Variants in SENP6 observed in about 807,000 individuals in gnomAD.
The protein encoded by SENP6 is sentrin-specific protease 6.
SENP6 carries 41 observed loss-of-function variants against 134.5 expected under a neutral mutation model. The observed-to-expected ratio is 0.30, with a 90% CI of 0.24 to 0.40. SENP6 has a LOEUF of 0.40. Ranked by LOEUF, SENP6 falls within the 10% of genes least tolerant of loss-of-function variation. The probability of loss-of-function intolerance (pLI) is 1.00; values close to 1 mark genes in which losing one functional copy is unlikely to be tolerated. For missense variants in SENP6, 1,248 were observed against 1,312.5 expected, an observed-to-expected ratio of 0.95 and a Z score of 0.76; for synonymous variants, 395 against 429.8, an observed-to-expected ratio of 0.92 and a Z score of 1.00.
intron 9 of SENP6, among the ~76,000 whole-genome samples, chr6:75,665,933 A>C (rs934123442): frequency 6.6e-6 from 1 of 151,726 alleles, no homozygotes; most frequent in Admixed American, 6.6e-5. Flanking sequence ...AGGCTGAGGC[A>C]GGAGAATCAC....
chr6:75,643,527 A>G (rs1469932325), intron 6 of SENP6, among the ~76,000 whole-genome samples: 1 of 152,186 alleles, frequency 6.6e-6, no homozygotes, highest in Non-Finnish European at 1.5e-5. Context: ...TTAAAATTCA[A>G]GAAATTCAAC....
intron 3 of SENP6, among the ~76,000 whole-genome samples, chr6:75,633,197 A>T (rs1769241176): frequency 6.6e-6 from 1 of 152,190 alleles, no homozygotes; most frequent in Non-Finnish European, 1.5e-5. Context: ...ACATAAGCAC[A>T]AGTTGAAATG....
chr6:75,614,225 G>C (rs531396023), intron 1 of SENP6, among the ~76,000 whole-genome samples: 129 of 151,248 alleles, frequency 8.5e-4, no homozygotes, highest in Non-Finnish European at 1.4e-3. Flanking sequence ...TAGTTAAGGT[G>C]GTGTTCACCA....
intron 16 of SENP6, chr6:75,679,681 A>T (rs1246066806): frequency 6.6e-6 from 1 of 152,210 alleles, no homozygotes; most frequent in Non-Finnish European, 1.5e-5. Flanking sequence ...AACATAACAC[A>T]TGTATACACC....
chr6:75,622,642 A>G (rs1056195240), intron 2 of SENP6: 17 of 420,166 alleles, frequency 4.0e-5, no homozygotes, highest in African/African-American at 3.6e-4. Flanking sequence ...AATAAACAAC[A>G]AATTCAGAGA....
intron 7 of SENP6, among the ~76,000 whole-genome samples, chr6:75,652,992 A>G (rs997614210): frequency 6.6e-6 from 1 of 151,816 alleles, no homozygotes; most frequent in South Asian, 2.1e-4. Context: ...TTTGATGTAT[A>G]TATCTTTCCA....
At chr6:75,658,995 AAAAAAG>A (rs1443180574) in intron 7 of SENP6, among the ~76,000 whole-genome samples, 18 of 148,752 alleles carry the variant, frequency 1.2e-4, no homozygotes, top group Admixed American at 2.0e-4. Context: ...AAAAAAAAAA[AAAAAAG>A]GGGAATTGTG....
chr6:75,714,444 T>G (rs1267948803), intron 23 of SENP6, among the ~76,000 whole-genome samples: 1 of 152,176 alleles, frequency 6.6e-6, no homozygotes, highest in Non-Finnish European at 1.5e-5. Flanking sequence ...TCAGATAGAT[T>G]TACTTGTTTA....
At chr6:75,623,378 G>A (rs536077643) in intron 2 of SENP6, among the ~76,000 whole-genome samples, 5 of 152,090 alleles carry the variant, frequency 3.3e-5, no homozygotes, top group South Asian at 2.1e-4. Context: ...ATTTCAGGCC[G>A]GTGATTTCTC....
chr6:75,707,355 C>CTTTTTTTTTT (rs10564996), intron 19 of SENP6, among the ~76,000 whole-genome samples: 2 of 74,690 alleles, frequency 2.7e-5, no homozygotes, highest in East Asian at 3.9e-4. Flanking sequence ...TCTTCTTCTT[C>CTTTTTTTTTT]TTTTTTTTTT....
chr6:75,716,964 A>G lies in SENP6; in HGVS notation c.*1370A>G, dbSNP rs1776049175. The G allele has an allele frequency of 6.6e-6, 1 of 151,974 alleles. No homozygotes were observed. Among genetic ancestry groups the G allele is most frequent in the African/African-American group, 2.4e-5 (1 of 41,436 alleles). The allele number at this position is 151,974 out of a possible 1,614,324, so 9.4% of individuals were successfully genotyped here. ...GTTCAGGGTGAATGGGAGTATTAAC[A>G]ACAACCAAAAAATATCTATTGAGAC... On this transcript the variant is annotated 3_prime_UTR_variant, in exon 24 of 24. Transcript: ENST00000447266.
chr6:75,691,207 A>C (rs546995153), intron 16 of SENP6, among the ~76,000 whole-genome samples: 27 of 150,968 alleles, frequency 1.8e-4, no homozygotes, highest in Non-Finnish European at 3.4e-4. Flanking sequence ...CAGTGACGCA[A>C]TCACGACTCA....
In SENP6 at chr6:75,623,971, C is replaced by A. The variant is rs763982190; in HGVS notation, c.207+11C>A. Reference sequence around the variant, plus strand: ...TCAAAAGGAAAAAAGGCAAGTGTTGCTTAAAATATTTTCTTCTTTTACATT... The same window carrying A: ...TCAAAAGGAAAAAAGGCAAGTGTTGATTAAAATATTTTCTTCTTTTACATT... On this transcript the variant is annotated intron_variant, in intron 3 of 23. Coordinates refer to ENST00000447266, the MANE Select transcript of SENP6 (RefSeq NM_015571.4). 1.9e-5 allele frequency: 31 copies of A among 1,594,972 alleles called. 1 individual carries two copies. The South Asian group carries it at 2.8e-4, about 15-fold the overall frequency.
intron 17 of SENP6, 51 bp from the exon 18 acceptor site, chr6:75,697,374 C>A: frequency 7.8e-7 from 1 of 1,282,958 alleles, no homozygotes; most frequent in Non-Finnish European, 1.1e-6. Flanking sequence ...TACATATAAG[C>A]TGGAGCACTA....
chr6:75,693,571 T>C (rs1221574300), intron 16 of SENP6, among the ~76,000 whole-genome samples: 1 of 148,786 alleles, frequency 6.7e-6, no homozygotes, highest in African/African-American at 2.6e-5. Context: ...ATATAAACTG[T>C]GTCTTGATCT....
At chr6:75,704,161 G>A (rs1014909286) in intron 19 of SENP6, among the ~76,000 whole-genome samples, 2 of 152,168 alleles carry the variant, frequency 1.3e-5, no homozygotes, top group Non-Finnish European at 2.9e-5. Context: ...AAGACACAGA[G>A]ACAAAGTATA....
At chr6:75,617,194 C>T (rs1218328626) in intron 1 of SENP6, among the ~76,000 whole-genome samples, 1 of 146,362 alleles carries the variant, frequency 6.8e-6, no homozygotes, top group Admixed American at 6.8e-5. Flanking sequence ...TGTTTTAAAA[C>T]TTTTTCTTTT....
rs200942344 is a variant in SENP6, at chr6:75,623,930, T to G, written c.177T>G (p.Asp59Glu). 6.2e-7 allele frequency: 1 copy of G among 1,609,836 alleles called. No homozygotes were observed. The highest frequency in any genetic ancestry group is 8.5e-7 in the Non-Finnish European group (1 of 1,177,722). ...DGTNLLSVDE[D>E]EDSETSKGKK... Reference sequence around the variant, plus strand: ...CAAATCTGCTCAGTGTGGATGAAGATGAGGATTCTGAAACCTCAAAAGGAA... The same window carrying G: ...CAAATCTGCTCAGTGTGGATGAAGAGGAGGATTCTGAAACCTCAAAAGGAA... The change falls in exon 3 of 24, where the codon GAT (aspartate) becomes GAG (glutamate). Residue 59 changes from aspartate (D) to glutamate (E), a missense_variant. Asp to Glu is a conservative substitution (Grantham distance 45). This residue lies in a region of SENP6 where 733 missense variants were observed against 725.4 expected (regional missense o/e 1.01). Coordinates refer to ENST00000447266, the MANE Select transcript of SENP6 (RefSeq NM_015571.4).
intron 1 of SENP6, among the ~76,000 whole-genome samples, chr6:75,605,636 TAAAC>T (rs967927834): frequency 1.3e-5 from 2 of 152,090 alleles, no homozygotes; most frequent in Admixed American, 6.6e-5. Flanking sequence ...ATTGATTTGA[TAAAC>T]AAAAAGGCTG....
Sources: gnomAD v4.1 joint callset for allele counts (sites outside exome capture counted in the v4.1 genomes callset) on GRCh38, gnomAD v4.1.1 for gene constraint, gnomAD v4.1.1 regional missense constraint, MANE v1.5 for transcripts, NCBI Gene and HGNC (gene_info 2026-07-23, HGNC 2026-07-21) for gene names.